Variants in B9D1 observed in about 807,000 individuals in gnomAD.
The protein encoded by B9D1 is B9 domain containing 1.
A neutral mutation model predicts 26.1 loss-of-function variants in B9D1; 20 were observed. That is an observed-to-expected ratio of 0.77 (90% CI 0.54 to 1.12). B9D1 has a LOEUF of 1.12. B9D1 is among the 50% of genes most tolerant of loss of function. The pLI is 0.00. For synonymous variants in B9D1, 105 were observed against 103.1 expected, an observed-to-expected ratio of 1.02 and a Z score of -0.11; for missense variants, 260 against 273.7, an observed-to-expected ratio of 0.95 and a Z score of 0.35.
chr17:19,376,869 C>T (rs1912152666), intron 1 of B9D1, among the ~76,000 whole-genome samples: 1 of 151,824 alleles, frequency 6.6e-6, no homozygotes, highest in Admixed American at 6.6e-5. Context: ...CTCCACAACC[C>T]CTTATCATAA....
upstream of B9D1, among the ~76,000 whole-genome samples, chr17:19,365,244 C>T (rs1247741943): frequency 2.0e-5 from 3 of 152,252 alleles, no homozygotes; most frequent in Non-Finnish European, 4.4e-5. The surrounding 1 kb of genome is among the most constrained non-coding windows in gnomAD (Gnocchi z 5.0). Context: ...GCAGCTCCCC[C>T]ATGGTAACCT....
At position 19,362,521 on chromosome 17, in the gene B9D1, C is replaced by G; in HGVS notation, c.49G>C (p.Val17Leu). 6.3e-7 allele frequency: 1 copy of G among 1,577,752 alleles called. No homozygotes were observed. The part of the protein sequence containing the change: ...SVFLLMVNGQ[V>L]ESAQFPEYDD... ...CGGCCGCTCACCTGGGCGCTCTCCA[C>G]CTGCCCGTTGACCATGAGTAGAAAG... Residue 17 changes from valine (V) to leucine (L), a missense_variant, in exon 1 of 7, where the codon GTG (valine) becomes CTG (leucine). Physicochemically the swap from Val to Leu is conservative, Grantham distance 32. Coordinates refer to ENST00000261499, the MANE Select transcript of B9D1 (RefSeq NM_015681.6).
In B9D1 at chr17:19,347,098, G is replaced by A. The variant is rs1374777097; in HGVS notation, c.404+171C>T. On this transcript the variant is annotated intron_variant, in intron 5 of 6. Coordinates refer to ENST00000261499, the MANE Select transcript of B9D1 (RefSeq NM_015681.6). The surrounding 1 kb of genome is among the most constrained non-coding windows in gnomAD (Gnocchi z 4.3). The stretch of plus-strand genomic sequence containing the variant: ...GGCCTTCTGCTGCTGGAACAGGGCT[G>A]AAGGGAGCCCCGTGACTCAGCACTC... The A allele has an allele frequency of 1.9e-6, 3 of 1,563,784 alleles. No homozygotes were observed. Among genetic ancestry groups the A allele is most frequent in the Non-Finnish European group, 2.6e-6 (3 of 1,153,886 alleles).
At chr17:19,349,347 G>A (rs970596534) in intron 3 of B9D1, among the ~76,000 whole-genome samples, 3 of 151,654 alleles carry the variant, frequency 2.0e-5, no homozygotes, top group Non-Finnish European at 4.4e-5. Context: ...TCTCTTGCCC[G>A]GTTTTCTACT....
Position 19,362,524 on chromosome 17 carries a change from G to T in B9D1, c.46C>A (p.Gln16Lys). The stretch of plus-strand genomic sequence containing the variant: ...CCGCTCACCTGGGCGCTCTCCACCT[G>T]CCCGTTGACCATGAGTAGAAAGACG... ...PSVFLLMVNGQVESAQFPEYD... is the reference protein window; with the variant it reads ...PSVFLLMVNGKVESAQFPEYD... The change falls in exon 1 of 7, where the codon CAG (glutamine) becomes AAG (lysine). Residue 16 changes from glutamine to lysine, a missense_variant. Transcript: ENST00000261499. 1 of 1,579,788 alleles carries T rather than the reference G, an allele frequency of 6.3e-7. No individual in the cohort carries two copies. The highest frequency in any genetic ancestry group is 8.6e-7 in the Non-Finnish European group (1 of 1,163,092).
chr17:19,367,198 A>C (rs1911636930), upstream of B9D1, among the ~76,000 whole-genome samples: 1 of 152,208 alleles, frequency 6.6e-6, no homozygotes, highest in Admixed American at 6.5e-5. Flanking sequence ...CCAGCATGGC[A>C]GATTTGCCTC....
chr17:19,360,733 C>T (rs6587069), intron 1 of B9D1, among the ~76,000 whole-genome samples: 146,235 of 152,314 alleles, frequency 0.96, 70,602 homozygotes, highest in African/African-American at 0.99. Flanking sequence ...CCCTTAGCCC[C>T]GTGCTTCCCT....
In B9D1 at chr17:19,352,201, T is replaced by C. The variant is rs923904121; in HGVS notation, c.245-4321A>G. Among the ~76,000 whole-genome samples, 3 of 152,182 alleles carry C rather than the reference T, an allele frequency of 2.0e-5. No individual in the cohort carries two copies. The East Asian group carries it at 5.8e-4, about 29-fold the overall frequency. On this transcript the variant is annotated intron_variant, in intron 3 of 6. Coordinates refer to ENST00000261499, the MANE Select transcript of B9D1 (RefSeq NM_015681.6). The stretch of plus-strand genomic sequence containing the variant: ...CCACTTAGCCTGTTTTTTCATCGTC[T>C]TAACTTGGGGTTTTCAGTTTTAAAA...
downstream of B9D1, among the ~76,000 whole-genome samples, chr17:19,342,676 G>A (rs1044891849): frequency 3.3e-5 from 5 of 152,264 alleles, no homozygotes; most frequent in East Asian, 9.7e-4. Flanking sequence ...CTGCCAAGGG[G>A]CTGCCAGAAA....
rs1262234720 is a variant in B9D1, at chr17:19,347,218, C to A, written c.404+51G>T. On this transcript the variant is annotated intron_variant, in intron 5 of 6. Transcript: ENST00000261499. This position sits in a 1 kb window ranked among gnomAD's most constrained non-coding sequence, Gnocchi z 4.3. ...CAAACTGAGGGGTAGAATGGGACAT[C>A]CATTCATCCAGTAGATCAGGAGGGG... is the stretch of plus-strand genomic sequence containing the variant. 3 of 1,614,160 alleles carry A rather than the reference C, an allele frequency of 1.9e-6. No individual in the cohort carries two copies. In the East Asian group the frequency reaches 6.7e-5, roughly 36 times the overall value.
intron 3 of B9D1, among the ~76,000 whole-genome samples, chr17:19,356,780 G>T (rs1184886072): frequency 6.6e-6 from 1 of 152,196 alleles, no homozygotes; most frequent in Non-Finnish European, 1.5e-5. Context: ...CTTCTACTTT[G>T]CTAGCTCTCT....
rs1910883763 is a variant in B9D1, at chr17:19,360,352, A to G, written c.100T>C (p.Phe34Leu). The G allele has an allele frequency of 6.2e-7, 1 of 1,613,896 alleles. No homozygotes were observed. The highest frequency in any genetic ancestry group is 8.5e-7 in the Non-Finnish European group (1 of 1,180,040). The change falls in exon 2 of 7, where the codon TTT becomes CTT. Residue 34 changes from phenylalanine (F) to leucine (L), a missense_variant. By Grantham distance (22) the Phe-to-Leu change is conservative. Transcript: ENST00000261499. ...EYDDLYCKYCFVYGQDWAPTA... is the reference protein window; with the variant it reads ...EYDDLYCKYCLVYGQDWAPTA... ...GGGGCCCAGTCCTGGCCGTACACAA[A>G]GCAGTACTTGCAGTAGAGGTCATCA...
downstream of B9D1, among the ~76,000 whole-genome samples, chr17:19,342,203 A>T (rs1908044083): frequency 1.3e-5 from 2 of 152,180 alleles, no homozygotes; most frequent in Admixed American, 1.3e-4. Flanking sequence ...GTAAGGCCAG[A>T]AGGCAGAGGG....
chr17:19,360,359 C>G lies in B9D1; in HGVS notation c.93G>C (p.Lys31Asn). The G allele has an allele frequency of 1.2e-6, 2 of 1,613,962 alleles. No homozygotes were observed. Among genetic ancestry groups the G allele is most frequent in the Non-Finnish European group, 1.7e-6 (2 of 1,180,028 alleles). The stretch of plus-strand genomic sequence containing the variant: ...AGTCCTGGCCGTACACAAAGCAGTA[C>G]TTGCAGTAGAGGTCATCATACTCTG... Reference protein sequence around the residue: ...QFPEYDDLYCKYCFVYGQDWA... With the variant: ...QFPEYDDLYCNYCFVYGQDWA... Residue 31 changes from lysine (K) to asparagine (N), a missense_variant, in exon 2 of 7, where the codon AAG becomes AAC. Lys to Asn is a moderately conservative substitution (Grantham distance 94, BLOSUM62 0). Coordinates refer to ENST00000261499, the MANE Select transcript of B9D1 (RefSeq NM_015681.6).
chr17:19,364,575 G>A (rs925283246), upstream of B9D1: 2 of 152,306 alleles, frequency 1.3e-5, no homozygotes, highest in African/African-American at 4.8e-5. This position sits in a 1 kb window ranked among gnomAD's most constrained non-coding sequence, Gnocchi z 4.3. Flanking sequence ...AGGACACTCT[G>A]CAGCTCTTGG....
intron 5 of B9D1, among the ~76,000 whole-genome samples, chr17:19,345,208 T>G (rs1167991154): frequency 6.6e-6 from 1 of 151,484 alleles, no homozygotes; most frequent in East Asian, 1.9e-4. Flanking sequence ...GGAACTGAGG[T>G]AGATGGGAAG....
intron 3 of B9D1, among the ~76,000 whole-genome samples, chr17:19,352,758 G>T (rs7502467): frequency 0.97 from 147,849 of 152,084 alleles, 72,102 homozygotes; most frequent in African/African-American, 0.99. Context: ...CGACCTCAGG[G>T]GATCCGCCCG....
chr17:19,338,956 C>T (rs938700799), downstream of B9D1, among the ~76,000 whole-genome samples: 3 of 152,222 alleles, frequency 2.0e-5, no homozygotes, highest in African/African-American at 7.2e-5. Flanking sequence ...CAAGCACACA[C>T]ATAAAATTCT....
upstream of B9D1, chr17:19,363,753 TA>T (rs1414652668): frequency 2.0e-5 from 3 of 152,312 alleles, no homozygotes; most frequent in African/African-American, 7.2e-5. Context: ...GGGAGCAGAC[TA>T]GGGGAGTCCC....
Sources: allele counts gnomAD v4.1 joint callset (sites outside exome capture counted in the v4.1 genomes callset), GRCh38; gene constraint gnomAD v4.1.1; non-coding constraint Gnocchi (gnomAD v3.1); transcripts MANE v1.5; gene names NCBI Gene and HGNC (gene_info 2026-07-23, HGNC 2026-07-21).